The following ZNF705B variants were observed in gnomAD, a reference collection of about 807,000 sequenced individuals.
ZNF705B encodes zinc finger protein 705B.
In ZNF705B, 1 loss-of-function variant was observed where a neutral mutation model predicts 10.5. That is an observed-to-expected ratio of 0.10 (90% CI 0.03 to 0.45). The LOEUF (loss-of-function observed/expected upper bound fraction) is 0.45. Ranked by LOEUF, ZNF705B falls within the 20% of genes least tolerant of loss-of-function variation. ZNF705B has a pLI of 0.97. For missense variants in ZNF705B, 14 were observed against 84.0 expected, an observed-to-expected ratio of 0.17 and a Z score of 3.26; for synonymous variants, 4 against 25.4, an observed-to-expected ratio of 0.16 and a Z score of 2.53.
intron 2 of ZNF705B, among the ~76,000 whole-genome samples, chr8:7,937,671 C>T (rs1335580072): frequency 8.6e-6 from 1 of 116,520 alleles, no homozygotes; most frequent in East Asian, 2.4e-4. Flanking sequence ...TTCAGTAATG[C>T]CACAAGGATA....
intron 2 of ZNF705B, among the ~76,000 whole-genome samples, chr8:7,933,144 T>C (rs1489512137): frequency 6.6e-4 from 70 of 106,258 alleles, no homozygotes; most frequent in African/African-American, 1.8e-3. Flanking sequence ...TCATGAGTCC[T>C]AAAAAATGGA....
At chr8:7,937,200 A>C (rs566875795) in intron 2 of ZNF705B, among the ~76,000 whole-genome samples, 1 of 118,402 alleles carries the variant, frequency 8.4e-6, no homozygotes, top group African/African-American at 2.6e-5. Flanking sequence ...GGACAGCACT[A>C]AGGCTTGGTA....
rs539822318 is a variant in ZNF705B at position 7,931,526 on chromosome 8, G to T, written c.-72+1090G>T. 6.8e-3 allele frequency among the ~76,000 whole-genome samples: 827 copies of T among 121,870 alleles called. 23 individuals are homozygous for T. Among genetic ancestry groups the T allele is most frequent in the African/African-American group, 0.019 (755 of 39,646 alleles). 80.0% of individuals were successfully genotyped at this position (121,870 alleles called of 152,430 possible). On this transcript the variant is annotated intron_variant, in intron 2 of 6. Coordinates refer to ENST00000400120, the MANE Select transcript of ZNF705B (RefSeq NM_001193630.1). ...CTCAGGTCACAAGAAGGCATGCACAGGTGCCAATGACAGACAGCAGTGTGG... is the reference window on the plus strand; with the variant it reads ...CTCAGGTCACAAGAAGGCATGCACATGTGCCAATGACAGACAGCAGTGTGG...
intron 2 of ZNF705B, among the ~76,000 whole-genome samples, chr8:7,935,139 G>A (rs1463444480): frequency 9.5e-6 from 1 of 105,040 alleles, no homozygotes; most frequent in Non-Finnish European, 2.3e-5. Flanking sequence ...TTTTCCTGTG[G>A]AAGGGAACAA....
At chr8:7,940,675 G>A (rs1820126452) in intron 2 of ZNF705B, among the ~76,000 whole-genome samples, 1 of 148,246 alleles carries the variant, frequency 6.7e-6, no homozygotes, top group Non-Finnish European at 1.5e-5. Flanking sequence ...TCAAACACAA[G>A]TGAAATAATA....
chr8:7,931,799 G>A (rs1182291537), intron 2 of ZNF705B, among the ~76,000 whole-genome samples: 1 of 131,090 alleles, frequency 7.6e-6, no homozygotes, highest in Non-Finnish European at 1.8e-5. Context: ...TCTGGGGGCA[G>A]CCTCCCTAGT....
chr8:7,926,427 A>G (rs1283093233), intron 1 of ZNF705B, 30 bp downstream of exon 1: 1 of 119,244 alleles, frequency 8.4e-6, no homozygotes. Context: ...AACTGGGGCT[A>G]AAGAAGGGGT....
intron 1 of ZNF705B, among the ~76,000 whole-genome samples, chr8:7,929,869 A>C: frequency 4.5e-5 from 1 of 22,316 alleles, no homozygotes; most frequent in Non-Finnish European, 2.3e-4. Context: ...GCTTAGCCAC[A>C]TACATGTAGA....
intron 1 of ZNF705B, among the ~76,000 whole-genome samples, chr8:7,928,418 C>T (rs5000920): frequency 0.25 from 29,542 of 118,084 alleles, 3,623 homozygotes; most frequent in East Asian, 0.5. Flanking sequence ...TAAACAAATA[C>T]GTGAGTACCT....
chr8:7,934,680 TTG>T, intron 2 of ZNF705B: 2 of 210,924 alleles, frequency 9.5e-6, no homozygotes, highest in South Asian at 8.0e-5. Context: ...TTGTGTGGAT[TTG>T]TGTGTGTGTC....
At chr8:7,927,017 A>G (rs1819709278) in intron 1 of ZNF705B, among the ~76,000 whole-genome samples, 1 of 119,610 alleles carries the variant, frequency 8.4e-6, no homozygotes, top group Non-Finnish European at 2.0e-5. Flanking sequence ...TATGTCAACT[A>G]AGATACCACT....
chr8:7,927,425 G>T (rs1208059709), intron 1 of ZNF705B, among the ~76,000 whole-genome samples: 1 of 121,240 alleles, frequency 8.2e-6, no homozygotes, highest in Non-Finnish European at 2.0e-5. Context: ...CAATGATGAT[G>T]AGCTTTTTTT....
chr8:7,931,449 C>T (rs548504636), intron 2 of ZNF705B, among the ~76,000 whole-genome samples: 2 of 121,848 alleles, frequency 1.6e-5, no homozygotes, highest in African/African-American at 5.0e-5. Context: ...TGGATTAATC[C>T]CCCAGCTCCC....
intron 2 of ZNF705B, among the ~76,000 whole-genome samples, chr8:7,933,930 T>C (rs1273468969): frequency 2.3e-4 from 2 of 8,734 alleles, no homozygotes; most frequent in Admixed American, 2.4e-3. Context: ...TAATATAAAC[T>C]TTTTTTTTTT....
chr8:7,933,941 T>C (rs1336820851), intron 2 of ZNF705B, among the ~76,000 whole-genome samples: 50 of 70,678 alleles, frequency 7.1e-4, no homozygotes, highest in African/African-American at 2.0e-3. Context: ...TTTTTTTTTT[T>C]TTTTTTTTTT....
rs1477387471 is a variant in ZNF705B, at chr8:7,929,231, G to A, written c.-221-1056G>A. The stretch of plus-strand genomic sequence containing the variant: ...TGTGGAAAGAGGCAGTTGACAGAAA[G>A]TAATCTTGCATGAATTCAAAATGCA... On this transcript the variant is annotated intron_variant, in intron 1 of 6. Transcript: ENST00000400120. Among the ~76,000 whole-genome samples the A allele has an allele frequency of 8.2e-5, 10 of 121,702 alleles. 1 individual carries two copies. Among genetic ancestry groups the A allele is most frequent in the Admixed American group, 6.5e-4 (7 of 10,786 alleles). 79.8% of individuals were successfully genotyped at this position (121,702 alleles called of 152,430 possible).
At chr8:7,932,020 T>C (rs1341012788) in intron 2 of ZNF705B, among the ~76,000 whole-genome samples, 1 of 120,064 alleles carries the variant, frequency 8.3e-6, no homozygotes, top group Non-Finnish European at 2.0e-5. Flanking sequence ...GGCTCTCAAA[T>C]TGGCATTGTG....
intron 2 of ZNF705B, among the ~76,000 whole-genome samples, chr8:7,931,710 T>C (rs1235876062): frequency 7.7e-6 from 1 of 130,474 alleles, no homozygotes; most frequent in African/African-American, 2.5e-5. Flanking sequence ...CTCCTGGGGG[T>C]CAGGATTGCT....
intron 2 of ZNF705B, among the ~76,000 whole-genome samples, chr8:7,932,918 T>C (rs1195835190): frequency 1.0e-4 from 11 of 106,692 alleles, no homozygotes; most frequent in African/African-American, 2.4e-4. Context: ...GGAGGAAAAT[T>C]GTGACAGGTG....
Sources: gnomAD v4.1 joint callset for allele counts (sites outside exome capture counted in the v4.1 genomes callset) on GRCh38, gnomAD v4.1.1 for gene constraint, MANE v1.5 for transcripts, NCBI Gene and HGNC (gene_info 2026-07-23, HGNC 2026-07-21) for gene names.